The following BMPER variants were observed in gnomAD, a reference collection of about 807,000 sequenced individuals.
The protein encoded by BMPER is BMP binding endothelial regulator.
In BMPER, 45 loss-of-function variants were observed where a neutral mutation model predicts 87.3. The observed-to-expected ratio is 0.52, with a 90% CI of 0.41 to 0.66. The LOEUF (loss-of-function observed/expected upper bound fraction) is 0.66, where lower values mean the gene tolerates loss of function less well. BMPER is among the 30% of genes least tolerant of loss of function. The probability of loss-of-function intolerance (pLI) is 0.00; values close to 1 mark genes in which losing one functional copy is unlikely to be tolerated. For missense variants in BMPER, 784 were observed against 867.5 expected, an observed-to-expected ratio of 0.90 and a Z score of 1.21; for synonymous variants, 326 against 316.2, an observed-to-expected ratio of 1.03 and a Z score of -0.33.
In BMPER at chr7:34,060,340, C is replaced by A. The variant is rs538195451; in HGVS notation, c.1033-1662C>A. On this transcript the variant is annotated intron_variant, in intron 10 of 14. Coordinates refer to ENST00000649409, the MANE Select transcript of BMPER (RefSeq NM_001365308.1). ...CTGCATTGGGATAAAGCACCTTAAT[C>A]CTCTTGGGGCCGTCATTCCCTGGGC... 2.6e-5 allele frequency among the ~76,000 whole-genome samples: 4 copies of A among 152,000 alleles called. No homozygotes were observed. In the South Asian group the frequency reaches 8.3e-4, roughly 32 times the overall value.
chr7:34,098,191 A>T (rs1279725279), intron 13 of BMPER, among the ~76,000 whole-genome samples: 2 of 152,138 alleles, frequency 1.3e-5, no homozygotes, highest in Non-Finnish European at 2.9e-5. Context: ...TAACTTTTAG[A>T]TGAATTATCC....
chr7:34,128,836 C>G (rs182812782), intron 13 of BMPER, among the ~76,000 whole-genome samples: 5 of 152,086 alleles, frequency 3.3e-5, no homozygotes, highest in Admixed American at 6.5e-5. Context: ...AAAAAGCTAC[C>G]GAGCTCCTAT....
At chr7:33,927,322 G>C (rs1784384763) in intron 2 of BMPER, among the ~76,000 whole-genome samples, 1 of 152,168 alleles carries the variant, frequency 6.6e-6, no homozygotes. Flanking sequence ...GTTCACTGTA[G>C]GTACGTTATC....
At chr7:33,988,619 AT>A (rs199630427) in intron 6 of BMPER, among the ~76,000 whole-genome samples, 2 of 151,890 alleles carry the variant, frequency 1.3e-5, no homozygotes, top group Non-Finnish European at 2.9e-5. Flanking sequence ...TTTTTTAATT[AT>A]TTTTTTAATT....
intron 3 of BMPER, among the ~76,000 whole-genome samples, chr7:33,955,226 A>G (rs1785121647): frequency 6.6e-6 from 1 of 152,206 alleles, no homozygotes; most frequent in Admixed American, 6.5e-5. Context: ...TCCTGTTTTT[A>G]GAATGGGTGA....
intron 12 of BMPER, among the ~76,000 whole-genome samples, chr7:34,081,295 G>A (rs1050736541): frequency 1.3e-5 from 2 of 152,108 alleles, no homozygotes; most frequent in African/African-American, 4.8e-5. Context: ...TTTCCTTTGA[G>A]TGTTCTTCCA....
intron 13 of BMPER, among the ~76,000 whole-genome samples, chr7:34,135,512 G>A (rs1790697723): frequency 6.6e-6 from 1 of 152,230 alleles, no homozygotes; most frequent in Middle Eastern, 3.4e-3. Flanking sequence ...AGGAAAACCA[G>A]CCCCCTGTCC....
intron 3 of BMPER, among the ~76,000 whole-genome samples, chr7:33,939,066 G>T (rs1321214598): frequency 6.6e-6 from 1 of 152,058 alleles, no homozygotes; most frequent in Non-Finnish European, 1.5e-5. Flanking sequence ...GAGGACAATT[G>T]TGTTGGAGGG....
At chr7:34,142,631 T>A in intron 13 of BMPER, among the ~76,000 whole-genome samples, 1 of 152,254 alleles carries the variant, frequency 6.6e-6, no homozygotes, top group East Asian at 1.9e-4. Flanking sequence ...CTTTACATTC[T>A]GAAGAATGAA....
intron 13 of BMPER, among the ~76,000 whole-genome samples, chr7:34,113,963 A>C (rs767972949): frequency 3.0e-4 from 45 of 152,068 alleles, no homozygotes; most frequent in African/African-American, 1.0e-3. Context: ...CCTGTGATTG[A>C]GAGTATTGGT....
chr7:33,927,044 C>G (rs1312748275), intron 2 of BMPER, among the ~76,000 whole-genome samples: 3 of 152,216 alleles, frequency 2.0e-5, no homozygotes, highest in Admixed American at 6.5e-5. Flanking sequence ...TGCTGGTGGT[C>G]AGGGTCAATT....
rs1047141979 is a variant in BMPER, at chr7:33,927,842, C to T, written c.220-9447C>T. Among the ~76,000 whole-genome samples, 3 of 152,282 alleles carry T rather than the reference C, an allele frequency of 2.0e-5. 1 individual carries two copies. The Middle Eastern group carries it at 0.01, about 518-fold the overall frequency. ...GTGGTTCATCATCTTCTACTTAGTTCAAAAGAACTCACCAGAAAGGTATAA... is the reference window on the plus strand; with the variant it reads ...GTGGTTCATCATCTTCTACTTAGTTTAAAAGAACTCACCAGAAAGGTATAA... On this transcript the variant is annotated intron_variant, in intron 2 of 14. Coordinates refer to ENST00000649409, the MANE Select transcript of BMPER (RefSeq NM_001365308.1).
Position 34,038,681 on chromosome 7 carries a change from C to T in BMPER, c.577-7625C>T, listed in dbSNP as rs527712629. Among the ~76,000 whole-genome samples the T allele has an allele frequency of 3.1e-4, 47 of 152,228 alleles. No individual in the cohort carries two copies. In the South Asian group the frequency reaches 5.0e-3, roughly 16 times the overall value. On this transcript the variant is annotated intron_variant, in intron 6 of 14. Coordinates refer to ENST00000649409, the MANE Select transcript of BMPER (RefSeq NM_001365308.1). ...TTAGTTCATAGTTCTCTTAATAGGT[C>T]GTGAAGTACAAAAGGGTTTTTGTTT...
intron 14 of BMPER, among the ~76,000 whole-genome samples, chr7:34,150,844 G>T (rs2127996780): frequency 6.6e-6 from 1 of 152,232 alleles, no homozygotes; most frequent in African/African-American, 2.4e-5. Context: ...TATTTGAGTT[G>T]GTGTGTGTAT....
chr7:34,118,248 T>G (rs1790168126), intron 13 of BMPER, among the ~76,000 whole-genome samples: 1 of 151,438 alleles, frequency 6.6e-6, no homozygotes, highest in Non-Finnish European at 1.5e-5. Flanking sequence ...GAGTTTGCAG[T>G]GAGCCGAGAT....
intron 2 of BMPER, among the ~76,000 whole-genome samples, chr7:33,915,660 A>G (rs1261818802): frequency 1.3e-5 from 2 of 152,316 alleles, no homozygotes; most frequent in African/African-American, 4.8e-5. Context: ...TCCGACTTAA[A>G]TGGTTGGCTG....
At chr7:34,045,935 T>A (rs960611854) in intron 6 of BMPER, among the ~76,000 whole-genome samples, 10 of 152,184 alleles carry the variant, frequency 6.6e-5, no homozygotes, top group Admixed American at 3.3e-4. Flanking sequence ...GGTCCACTCA[T>A]CCTGGTTTGC....
intron 2 of BMPER, among the ~76,000 whole-genome samples, chr7:33,916,863 G>C (rs906102191): frequency 2.8e-5 from 4 of 144,836 alleles, no homozygotes; most frequent in African/African-American, 9.7e-5. Context: ...ACTTGGGATA[G>C]CTCCCCCCAG....
chr7:34,032,024 TAA>T (rs1491274344), intron 6 of BMPER, among the ~76,000 whole-genome samples: 4 of 147,418 alleles, frequency 2.7e-5, no homozygotes, highest in African/African-American at 9.9e-5. Flanking sequence ...TATATATATA[TAA>T]AATAGTTAAC....
Sources: allele counts gnomAD v4.1 joint callset (sites outside exome capture counted in the v4.1 genomes callset), GRCh38; gene constraint gnomAD v4.1.1; transcripts MANE v1.5; gene names NCBI Gene and HGNC (gene_info 2026-07-23, HGNC 2026-07-21).